TRAF2: variants seen among roughly 807,000 people sequenced by gnomAD.
TRAF2 encodes TNF receptor-associated factor 2.
In TRAF2, 6 loss-of-function variants were observed where a neutral mutation model predicts 55.6. That is an observed-to-expected ratio of 0.11 (90% confidence interval 0.06 to 0.21). The LOEUF (loss-of-function observed/expected upper bound fraction) is 0.21, where lower values mean the gene tolerates loss of function less well. TRAF2 is among the 10% of genes least tolerant of loss of function. The pLI is 1.00. For missense variants in TRAF2, 561 were observed against 684.5 expected (o/e 0.82, Z 2.01); for synonymous variants, 329 against 276.3 (o/e 1.19, Z -1.89).
At chr9:136,884,194 C>T (rs1319292846), upstream of TRAF2, among the ~76,000 whole-genome samples, 2 of 151,866 alleles carry the variant, frequency 1.3e-5, no homozygotes, top group Admixed American at 1.3e-4. Flanking sequence ...GTGATCTGCT[C>T]GCCTAGGCCT....
chr9:136,899,353 TGCA>T (rs1849762052), intron 2 of TRAF2, among the ~76,000 whole-genome samples: 1 of 152,228 alleles, frequency 6.6e-6, no homozygotes, highest in Admixed American at 6.5e-5. Context: ...CCTGAGTTAC[TGCA>T]GCAGATGTCC....
At chr9:136,924,848 C>T (rs962984692) in intron 10 of TRAF2, among the ~76,000 whole-genome samples, 2 of 152,180 alleles carry the variant, frequency 1.3e-5, no homozygotes, top group South Asian at 2.1e-4. Flanking sequence ...AAGCGATTCT[C>T]CTGCCTCAGC....
At chr9:136,890,070 CGT>C (rs766072981) in intron 1 of TRAF2, among the ~76,000 whole-genome samples, 3 of 126,104 alleles carry the variant, frequency 2.4e-5, no homozygotes, top group African/African-American at 6.1e-5. Flanking sequence ...CCGGTCACCG[CGT>C]GTGTGAGTCC....
At chr9:136,902,117 C>A (rs1849834679) in intron 4 of TRAF2, 1 of 152,268 alleles carries the variant, frequency 6.6e-6, no homozygotes. Flanking sequence ...GCCAGACCGC[C>A]CTCAGCCACG....
chr9:136,923,343 G>A (rs1309642382), intron 9 of TRAF2, among the ~76,000 whole-genome samples: 1 of 152,206 alleles, frequency 6.6e-6, no homozygotes, highest in Non-Finnish European at 1.5e-5. Flanking sequence ...GGGCACAGTG[G>A]CTCACACCTG....
At chr9:136,908,871 GAAAA>G (rs11418746) in intron 5 of TRAF2, among the ~76,000 whole-genome samples, 20 of 84,452 alleles carry the variant, frequency 2.4e-4, no homozygotes, top group Admixed American at 9.2e-4. Context: ...TTCCGTCTCG[GAAAA>G]AAAAAAAAAA....
At chr9:136,894,212 A>T (rs760617594) in intron 1 of TRAF2, among the ~76,000 whole-genome samples, 1 of 151,102 alleles carries the variant, frequency 6.6e-6, no homozygotes, top group African/African-American at 2.4e-5. Flanking sequence ...ATGTCCGGCT[A>T]ATTTTTGTAT....
chr9:136,883,490 G>A (rs889923854), upstream of TRAF2, among the ~76,000 whole-genome samples: 2 of 152,118 alleles, frequency 1.3e-5, no homozygotes, highest in Non-Finnish European at 1.5e-5. Context: ...TTACCCTGAA[G>A]GAAGTAGAGT....
intron 6 of TRAF2, among the ~76,000 whole-genome samples, chr9:136,912,882 C>CA (rs938187657): frequency 2.0e-4 from 30 of 152,212 alleles, no homozygotes; most frequent in African/African-American, 7.0e-4. Context: ...TCTGCAATCC[C>CA]AGCACTTTGG....
intron 4 of TRAF2, among the ~76,000 whole-genome samples, chr9:136,907,340 C>T (rs1260601607): frequency 1.3e-5 from 2 of 152,274 alleles, no homozygotes; most frequent in Non-Finnish European, 2.9e-5. Flanking sequence ...AGGTTGTCAG[C>T]TCCAGGAGGG....
At chr9:136,925,026 T>A (rs533741338) in intron 10 of TRAF2, among the ~76,000 whole-genome samples, 1 of 152,224 alleles carries the variant, frequency 6.6e-6, no homozygotes, top group African/African-American at 2.4e-5. Context: ...CGTGAGCCAC[T>A]GTGCCTGGCC....
intron 1 of TRAF2, among the ~76,000 whole-genome samples, chr9:136,897,823 A>T (rs1415280677): frequency 8.3e-6 from 1 of 120,114 alleles, no homozygotes; most frequent in Non-Finnish European, 1.7e-5. Flanking sequence ...GCTGGAGGGG[A>T]ACCCGTGGTA....
At position 136,898,644 on chromosome 9, in the gene TRAF2, C is replaced by T. The variant is rs529562383; in HGVS notation, c.-28-69C>T. ...CTCACCATCGCCTGCTACTGATCAC[C>T]ATTGGTTTGGTTTTGTCTCGAGGAC... On this transcript the variant is annotated intron_variant, in intron 1 of 10. Coordinates refer to ENST00000247668, the MANE Select transcript of TRAF2 (RefSeq NM_021138.4). 4.8e-5 allele frequency: 76 copies of T among 1,582,116 alleles called. 1 individual carries two copies. In the Admixed American group the frequency reaches 1.3e-3, roughly 27 times the overall value.
chr9:136,886,251 C>T, upstream of TRAF2: 1 of 310,352 alleles, frequency 3.2e-6, no homozygotes, highest in Non-Finnish European at 4.7e-6. Flanking sequence ...CCGGCGCGCT[C>T]TTTGAGGAAA....
In TRAF2 at chr9:136,912,282, C is replaced by T. The variant is rs994701854; in HGVS notation, c.603+2288C>T. On this transcript the variant is annotated intron_variant, in intron 6 of 10. Transcript: ENST00000247668. The stretch of plus-strand genomic sequence containing the variant: ...GGTTCAAGCAGTTCTCTGCCTCAGC[C>T]TCCTGAGTATCTGGGATTACTGGCA... Among the ~76,000 whole-genome samples, 138 of 151,038 alleles carry T rather than the reference C, an allele frequency of 9.1e-4. No individual in the cohort carries two copies. In the Middle Eastern group the frequency reaches 0.01, roughly 11 times the overall value.
At chr9:136,912,010 C>T (rs904430800) in intron 6 of TRAF2, among the ~76,000 whole-genome samples, 18 of 151,044 alleles carry the variant, frequency 1.2e-4, no homozygotes, top group African/African-American at 4.1e-4. Context: ...CCACCATGCC[C>T]GGCTAATTTT....
intron 1 of TRAF2, 138 bp from the exon 2 acceptor site, chr9:136,898,575 C>G (rs558319831): frequency 1.4e-6 from 2 of 1,452,912 alleles, no homozygotes; most frequent in South Asian, 1.4e-5. Context: ...CTCTGCGATT[C>G]TGCTTCTCTG....
At chr9:136,905,459 G>A (rs1009888223) in intron 4 of TRAF2, among the ~76,000 whole-genome samples, 5 of 152,198 alleles carry the variant, frequency 3.3e-5, no homozygotes, top group African/African-American at 1.2e-4. Context: ...GGGAGTTAGG[G>A]TTTAACAGGG....
At chr9:136,899,793 G>C (rs997097855) in intron 3 of TRAF2, 121 bp downstream of exon 3, 1 of 886,390 alleles carries the variant, frequency 1.1e-6, no homozygotes, top group Non-Finnish European at 1.7e-6. Flanking sequence ...GGGAGGCCCA[G>C]GTAGGGGGAT....
Sources: gnomAD v4.1 joint callset for allele counts (sites outside exome capture counted in the v4.1 genomes callset) on GRCh38, gnomAD v4.1.1 for gene constraint, MANE v1.5 for transcripts, NCBI Gene and HGNC (gene_info 2026-07-23, HGNC 2026-07-21) for gene names.